DPYD: variants seen among roughly 807,000 people sequenced by gnomAD.
DPYD encodes the protein dihydropyrimidine dehydrogenase [NADP(+)].
Under a neutral mutation model 116.2 loss-of-function variants are expected in DPYD, and 109 were observed. The observed-to-expected ratio is 0.94, with a 90% CI of 0.80 to 1.10. The LOEUF (loss-of-function observed/expected upper bound fraction) is 1.10, where lower values mean the gene tolerates loss of function less well. Among genes scored for constraint, DPYD ranks in the 50% least tolerant of loss-of-function variants. The pLI is 0.00. For synonymous variants in DPYD, 440 were observed against 432.0 expected (o/e 1.02, Z -0.23); for missense variants, 1,302 against 1,254.5 (o/e 1.04, Z -0.57).
chr1:97,200,547 AAAG>A (rs1659129174), intron 19 of DPYD, among the ~76,000 whole-genome samples: 1 of 152,294 alleles, frequency 6.6e-6, no homozygotes, highest in Non-Finnish European at 1.5e-5. Context: ...TTCTCAGGAA[AAAG>A]AAGGTTATAT....
At chr1:97,346,158 A>G (rs1669829804) in intron 16 of DPYD, among the ~76,000 whole-genome samples, 1 of 151,842 alleles carries the variant, frequency 6.6e-6, no homozygotes, top group South Asian at 2.1e-4. Flanking sequence ...TCCTTTGTCA[A>G]TCTGACATTA....
chr1:97,755,239 A>G (rs1665163615), intron 3 of DPYD, among the ~76,000 whole-genome samples: 1 of 152,134 alleles, frequency 6.6e-6, no homozygotes, highest in Admixed American at 6.5e-5. Flanking sequence ...AGAAACAGAG[A>G]TTCCTTCAAC....
intron 4 of DPYD, among the ~76,000 whole-genome samples, chr1:97,731,646 C>A (rs1382934555): frequency 6.6e-6 from 1 of 151,970 alleles, no homozygotes; most frequent in Non-Finnish European, 1.5e-5. Context: ...TACTATCAAG[C>A]AGCTGTGTCA....
rs1045156985 is a variant in DPYD, at chr1:97,078,835, G to C, written c.*141C>G. 7 of 991,658 alleles carry C rather than the reference G, an allele frequency of 7.1e-6. No homozygotes were observed. The highest frequency in any genetic ancestry group is 3.1e-4 in the Middle Eastern group (1 of 3,220). The allele number at this position is 991,658 out of a possible 1,614,324, so 61.4% of individuals were successfully genotyped here. ...TGAGACATTTTTTACACTTACAAAT[G>C]TATTTTGAAATTACATATTTTTATT... On this transcript the variant is annotated 3_prime_UTR_variant, in exon 23 of 23. Transcript: ENST00000370192.
intron 3 of DPYD, chr1:97,775,082 C>T (rs777582991): frequency 6.0e-6 from 1 of 165,692 alleles, no homozygotes; most frequent in Non-Finnish European, 1.4e-5. Flanking sequence ...ATATTATTAT[C>T]TACTATTTTA....
intron 21 of DPYD, among the ~76,000 whole-genome samples, chr1:97,094,854 C>T (rs1018612717): frequency 5.3e-5 from 8 of 152,142 alleles, no homozygotes; most frequent in Admixed American, 1.3e-4. Flanking sequence ...TCCTTTTCTA[C>T]TTTCCCCAAC....
At chr1:97,287,122 G>T (rs1570431516) in intron 18 of DPYD, among the ~76,000 whole-genome samples, 2 of 152,252 alleles carry the variant, frequency 1.3e-5, no homozygotes, top group African/African-American at 2.4e-5. Context: ...TGTCCTTTCT[G>T]CTTGTTAGTT....
At chr1:97,225,039 ATCTATCTATCTATCTATCTG>A (rs1661038289) in intron 19 of DPYD, among the ~76,000 whole-genome samples, 1 of 150,460 alleles carries the variant, frequency 6.6e-6, no homozygotes, top group South Asian at 2.1e-4. Flanking sequence ...CTATCTATCT[ATCTATCTATCTATCTATCTG>A]TCTATCATCT....
Position 97,079,029 on chromosome 1 carries a change from T to G in DPYD, c.3025A>C (p.Thr1009Pro), listed in dbSNP as rs766438205. The G allele has an allele frequency of 2.5e-6, 4 of 1,613,618 alleles. No homozygotes were observed. Among genetic ancestry groups the G allele is most frequent in the Non-Finnish European group, 3.4e-6 (4 of 1,179,732 alleles). The stretch of plus-strand genomic sequence containing the variant: ...ACGCCTCTCTTTGGTTCATAAGGTG[T>G]TGTCCTGGAAACCATTTTGATGCAG... ...VDCIKMVSRT[T>P]PYEPKRGVPL... The change falls in exon 23 of 23, where the codon ACA becomes CCA. Residue 1009 changes from threonine (T) to proline (P), a missense_variant. Transcript: ENST00000370192.
chr1:97,680,741 T>C (rs1366110973), intron 7 of DPYD, among the ~76,000 whole-genome samples: 1 of 152,098 alleles, frequency 6.6e-6, no homozygotes, highest in Non-Finnish European at 1.5e-5. Context: ...AAAGAGGTGG[T>C]GAATATGCTG....
rs1232341618 is a variant in DPYD at position 97,740,382 on chromosome 1, C to T, written c.321+10G>A. ...GTTATTTTCATTTGCAGAGTTAAAT[C>T]TGAATTTACCTTGTTTGCAATACTT... On this transcript the variant is annotated intron_variant, in intron 4 of 22. Coordinates refer to ENST00000370192, the MANE Select transcript of DPYD (RefSeq NM_000110.4). 6.2e-7 allele frequency: 1 copy of T among 1,601,426 alleles called. No homozygotes were observed. The highest frequency in any genetic ancestry group is 8.6e-7 in the Non-Finnish European group (1 of 1,168,988).
intron 8 of DPYD, among the ~76,000 whole-genome samples, chr1:97,657,289 C>T (rs1011826134): frequency 1.3e-5 from 2 of 152,022 alleles, no homozygotes; most frequent in Non-Finnish European, 2.9e-5. Flanking sequence ...AGGACCTTCA[C>T]TGTTCAATTA....
At chr1:97,610,494 T>C (rs1035963518) in intron 8 of DPYD, among the ~76,000 whole-genome samples, 8 of 152,046 alleles carry the variant, frequency 5.3e-5, no homozygotes, top group Non-Finnish European at 7.4e-5. Flanking sequence ...AAAGATTTAA[T>C]TCAACTGGCA....
intron 16 of DPYD, among the ~76,000 whole-genome samples, chr1:97,365,446 T>A (rs1670979458): frequency 6.6e-6 from 1 of 152,236 alleles, no homozygotes; most frequent in African/African-American, 2.4e-5. Context: ...TCTGTCTCTC[T>A]TTATGACATT....
intron 20 of DPYD, among the ~76,000 whole-genome samples, chr1:97,128,056 AAGTATT>A (rs1652983447): frequency 1.3e-5 from 2 of 152,176 alleles, no homozygotes; most frequent in African/African-American, 4.8e-5. Flanking sequence ...CCTCAGTATC[AAGTATT>A]AGTATTTCTA....
rs17116957 is a variant in DPYD, at chr1:97,573,032, A to G, written c.1339+728T>C. Among the ~76,000 whole-genome samples the G allele has an allele frequency of 3.9e-3, 587 of 152,140 alleles. 9 individuals are homozygous for G. Among genetic ancestry groups the G allele is most frequent in the African/African-American group, 0.014 (569 of 41,562 alleles). ...TTCCCTTCAGAAAACAAAAGAGTTAATTGTCATTTCAATAATGTGAATTAA... is the reference window on the plus strand; with the variant it reads ...TTCCCTTCAGAAAACAAAAGAGTTAGTTGTCATTTCAATAATGTGAATTAA... On this transcript the variant is annotated intron_variant, in intron 11 of 22. Coordinates refer to ENST00000370192, the MANE Select transcript of DPYD (RefSeq NM_000110.4).
intron 14 of DPYD, among the ~76,000 whole-genome samples, chr1:97,407,639 T>C (rs1673740572): frequency 6.6e-6 from 1 of 152,074 alleles, no homozygotes; most frequent in African/African-American, 2.4e-5. Flanking sequence ...TGGGGCAAAG[T>C]TCTCCAGAAG....
At chr1:97,492,216 T>C (rs1354175261) in intron 13 of DPYD, among the ~76,000 whole-genome samples, 2 of 152,158 alleles carry the variant, frequency 1.3e-5, no homozygotes, top group African/African-American at 4.8e-5. Flanking sequence ...TGTGGAATGA[T>C]TGCAGATCAA....
intron 11 of DPYD, among the ~76,000 whole-genome samples, chr1:97,572,313 CAT>C (rs1053370419): frequency 2.6e-5 from 4 of 151,878 alleles, no homozygotes; most frequent in Non-Finnish European, 4.4e-5. Flanking sequence ...CACAAATACA[CAT>C]GCCTGCGCGC....
Sources: allele counts gnomAD v4.1 joint callset (sites outside exome capture counted in the v4.1 genomes callset), GRCh38; gene constraint gnomAD v4.1.1; transcripts MANE v1.5; gene names NCBI Gene and HGNC (gene_info 2026-07-23, HGNC 2026-07-21).